The following SNAP91 variants were observed in gnomAD, a reference collection of about 807,000 sequenced individuals.
SNAP91 encodes the protein synaptosome associated protein 91, also known as clathrin coat assembly protein AP180.
SNAP91 carries 27 observed loss-of-function variants against 100.3 expected under a neutral mutation model. The ratio of observed to expected loss-of-function variants is 0.27; its 90% confidence interval spans 0.20 to 0.37. The LOEUF is 0.37. SNAP91 is among the 10% of genes least tolerant of loss of function. The probability of loss-of-function intolerance (pLI) is 1.00; values close to 1 mark genes in which losing one functional copy is unlikely to be tolerated. For missense variants in SNAP91, 986 were observed against 1,123.7 expected (o/e 0.88, Z 1.75); for synonymous variants, 404 against 398.6 (o/e 1.01, Z -0.16).
chr6:83,568,856 A>G (rs1405853810), intron 26 of SNAP91, among the ~76,000 whole-genome samples: 11 of 152,210 alleles, frequency 7.2e-5, no homozygotes, highest in Non-Finnish European at 2.9e-5. Flanking sequence ...ATTTGGAAAC[A>G]CTGCTTTGCT....
chr6:83,630,324 C>A (rs965393198), intron 8 of SNAP91, among the ~76,000 whole-genome samples: 1 of 151,746 alleles, frequency 6.6e-6, no homozygotes, highest in Non-Finnish European at 1.5e-5. Flanking sequence ...TTGGTTATGT[C>A]CTTTTCTGGT....
Position 83,591,305 on chromosome 6 carries a change from T to A in SNAP91, c.1931-11A>T. On this transcript the variant is annotated splice_polypyrimidine_tract_variant and intron_variant, in intron 21 of 29. Coordinates refer to ENST00000369694, the MANE Select transcript of SNAP91 (RefSeq NM_001242792.2). ...TACTTCCAAATGCATCTATCCGTTATCCATTGTGCAGCGGAAAAGTAAGAA... is the reference window on the plus strand; with the variant it reads ...TACTTCCAAATGCATCTATCCGTTAACCATTGTGCAGCGGAAAAGTAAGAA... The A allele has an allele frequency of 6.3e-7, 1 of 1,588,834 alleles. No individual in the cohort carries two copies. Among genetic ancestry groups the A allele is most frequent in the Non-Finnish European group, 8.6e-7 (1 of 1,157,350 alleles).
chr6:83,687,640 GA>G (rs1355104076), intron 2 of SNAP91, among the ~76,000 whole-genome samples: 1 of 152,130 alleles, frequency 6.6e-6, no homozygotes, highest in Non-Finnish European at 1.5e-5. Flanking sequence ...GCCATGGCTG[GA>G]AATATGTTTG....
At chr6:83,668,058 C>G (rs892890858) in intron 2 of SNAP91, among the ~76,000 whole-genome samples, 1 of 152,136 alleles carries the variant, frequency 6.6e-6, no homozygotes, top group African/African-American at 2.4e-5. Flanking sequence ...GACATTTATG[C>G]AGCCAACAGA....
At chr6:83,667,774 G>A (rs1052474160) in intron 2 of SNAP91, among the ~76,000 whole-genome samples, 9 of 151,988 alleles carry the variant, frequency 5.9e-5, no homozygotes, top group Non-Finnish European at 1.3e-4. Context: ...GCATGGGCAA[G>A]GACTTCATGT....
intron 26 of SNAP91, among the ~76,000 whole-genome samples, chr6:83,570,982 A>T (rs1369767613): frequency 6.6e-6 from 1 of 152,126 alleles, no homozygotes; most frequent in Non-Finnish European, 1.5e-5. Flanking sequence ...AGCTCCACTG[A>T]CAGCTTACAC....
chr6:83,704,488 T>C (rs2129063844), intron 2 of SNAP91, among the ~76,000 whole-genome samples: 1 of 152,298 alleles, frequency 6.6e-6, no homozygotes, highest in Admixed American at 6.5e-5. Flanking sequence ...CCAGATATAA[T>C]TCTGCCCTCA....
At chr6:83,644,433 C>T (rs1039681608) in intron 7 of SNAP91, among the ~76,000 whole-genome samples, 1 of 152,160 alleles carries the variant, frequency 6.6e-6, no homozygotes, top group Admixed American at 6.6e-5. Flanking sequence ...CCTAAAAAAA[C>T]TGGCACTTTT....
chr6:83,580,687 T>C (rs1826935652), intron 23 of SNAP91, 88 bp from the exon 24 acceptor site: 3 of 1,200,576 alleles, frequency 2.5e-6, no homozygotes, highest in Non-Finnish European at 3.4e-6. Flanking sequence ...TTTGATACTA[T>C]GGAAACAAGT....
chr6:83,630,408 G>C (rs2097158658), intron 8 of SNAP91, among the ~76,000 whole-genome samples: 1 of 152,084 alleles, frequency 6.6e-6, no homozygotes, highest in Non-Finnish European at 1.5e-5. Context: ...TTGCGGAATA[G>C]TGTCAATAGG....
chr6:83,654,062 T>C (rs1416647559), intron 7 of SNAP91, among the ~76,000 whole-genome samples: 1 of 152,188 alleles, frequency 6.6e-6, no homozygotes, highest in Non-Finnish European at 1.5e-5. Flanking sequence ...ATATTTACTA[T>C]AGGAGCCTAG....
chr6:83,601,175 C>T (rs550408129), intron 16 of SNAP91, 96 bp downstream of exon 16: 35 of 1,023,380 alleles, frequency 3.4e-5, no homozygotes, highest in Middle Eastern at 4.2e-4. Context: ...AACACTCTGA[C>T]ATGCTGTTAC....
At chr6:83,569,136 A>G (rs993571352) in intron 26 of SNAP91, among the ~76,000 whole-genome samples, 1 of 152,208 alleles carries the variant, frequency 6.6e-6, no homozygotes, top group African/African-American at 2.4e-5. Flanking sequence ...TAAAGATAAA[A>G]TAACTATGCA....
chr6:83,556,397 A>AGAGAGAGAGAGAGAGAGAGAG, intron 28 of SNAP91, among the ~76,000 whole-genome samples, 152 bp from the exon 29 acceptor site: 1 of 38,208 alleles, frequency 2.6e-5, no homozygotes, highest in Admixed American at 3.4e-4. Context: ...GAGAGAGAGA[A>AGAGAGAGAGAGAGAGAGAGAG]AAGCATTAGG....
At chr6:83,649,635 G>A (rs1221011718) in intron 7 of SNAP91, among the ~76,000 whole-genome samples, 1 of 152,084 alleles carries the variant, frequency 6.6e-6, no homozygotes, top group African/African-American at 2.4e-5. Flanking sequence ...AGGCTGGAGT[G>A]CAGCAGTATA....
intron 5 of SNAP91, 127 bp downstream of exon 5, chr6:83,661,374 CT>C: frequency 5.4e-6 from 3 of 555,076 alleles, no homozygotes; most frequent in Non-Finnish European, 9.6e-6. Flanking sequence ...TATTGAGTTC[CT>C]TTTTTTAGGT....
chr6:83,691,278 A>C (rs1172791245), intron 2 of SNAP91, among the ~76,000 whole-genome samples: 1 of 152,142 alleles, frequency 6.6e-6, no homozygotes, highest in African/African-American at 2.4e-5. Flanking sequence ...TAAATGTAAA[A>C]TTTAAAATGA....
In SNAP91 at chr6:83,661,534, C is replaced by G; in HGVS notation, c.420G>C (p.Gln140His). Residue 140 changes from glutamine (Q) to histidine (H), a missense_variant, in exon 5 of 30, where the codon CAG (glutamine) becomes CAC (histidine). Coordinates refer to ENST00000369694, the MANE Select transcript of SNAP91 (RefSeq NM_001242792.2). ...YLNEKAFSYR[Q>H]MAFDFARVKK... ...TCACCCTGGCAAAATCAAAGGCCAT[C>G]TGTCTGTAAGAAAAAGCCTTTTCAT... is the stretch of plus-strand genomic sequence containing the variant. The G allele has an allele frequency of 6.2e-7, 1 of 1,610,686 alleles. No homozygotes were observed. Among genetic ancestry groups the G allele is most frequent in the Non-Finnish European group, 8.5e-7 (1 of 1,178,400 alleles).
At position 83,594,108 on chromosome 6, in the gene SNAP91, A is replaced by G. The variant is rs115670399; in HGVS notation, c.1432+266T>C. On this transcript the variant is annotated intron_variant, in intron 17 of 29. Transcript: ENST00000369694. The stretch of plus-strand genomic sequence containing the variant: ...ATATTTGAACTCAATGTTACAAAAG[A>G]GTACAATATAGCATTAGAAAAAAAA... Among the ~76,000 whole-genome samples, 466 of 152,340 alleles carry G rather than the reference A, an allele frequency of 3.1e-3. 2 individuals carry two copies. Among genetic ancestry groups the G allele is most frequent in the African/African-American group, 0.011 (438 of 41,580 alleles).
Sources: gnomAD v4.1 joint callset for allele counts (sites outside exome capture counted in the v4.1 genomes callset) on GRCh38, gnomAD v4.1.1 for gene constraint, MANE v1.5 for transcripts, NCBI Gene and HGNC (gene_info 2026-07-23, HGNC 2026-07-21) for gene names.